The following CCDC7 variants were observed in gnomAD, a reference collection of about 807,000 sequenced individuals.
CCDC7 encodes the protein coiled-coil domain containing 7.
CCDC7 carries 183 observed loss-of-function variants against 196.9 expected under a neutral mutation model. That is an observed-to-expected ratio of 0.93 (90% confidence interval 0.82 to 1.05). The LOEUF (loss-of-function observed/expected upper bound fraction) is 1.05, where lower values mean the gene tolerates loss of function less well. Among genes scored for constraint, CCDC7 ranks in the 50% least tolerant of loss-of-function variants. The probability of loss-of-function intolerance (pLI) is 0.00; values close to 1 mark genes in which losing one functional copy is unlikely to be tolerated. For missense variants in CCDC7, 1,540 were observed against 1,482.2 expected, an observed-to-expected ratio of 1.04 and a Z score of -0.64; for synonymous variants, 525 against 484.6, an observed-to-expected ratio of 1.08 and a Z score of -1.10.
intron 24 of CCDC7, among the ~76,000 whole-genome samples, chr10:32,697,554 A>G (rs7358117): frequency 0.019 from 2,851 of 152,292 alleles, 95 homozygotes; most frequent in African/African-American, 0.065. Flanking sequence ...TCCCACACCC[A>G]TGGAGCCTTG....
At chr10:32,774,497 A>G (rs1370085612) in intron 28 of CCDC7, among the ~76,000 whole-genome samples, 1 of 152,126 alleles carries the variant, frequency 6.6e-6, no homozygotes, top group African/African-American at 2.4e-5. Flanking sequence ...TGCTTGCAGG[A>G]GGGGGTGACA....
At chr10:32,877,338 C>T (rs535825563), downstream of CCDC7, among the ~76,000 whole-genome samples, 3 of 152,142 alleles carry the variant, frequency 2.0e-5, no homozygotes, top group African/African-American at 4.8e-5. Flanking sequence ...CCAAAGGTAA[C>T]ATAAATGTGA....
intron 11 of CCDC7, among the ~76,000 whole-genome samples, chr10:32,521,446 T>G (rs2047870578): frequency 6.6e-6 from 1 of 152,154 alleles, no homozygotes. Flanking sequence ...GGTGTTTAAT[T>G]TGTGGCTATT....
intron 28 of CCDC7, among the ~76,000 whole-genome samples, chr10:32,760,512 G>A (rs1005164150): frequency 4.6e-5 from 7 of 151,942 alleles, no homozygotes; most frequent in South Asian, 2.1e-4. Context: ...ACCAAACACC[G>A]CATATTCTCA....
chr10:32,638,396 A>G (rs1241096896), intron 20 of CCDC7, among the ~76,000 whole-genome samples: 1 of 152,150 alleles, frequency 6.6e-6, no homozygotes, highest in Admixed American at 6.5e-5. Flanking sequence ...TTATTTTGAG[A>G]TACGTCCCAT....
At chr10:32,678,169 CTTGT>C (rs1352569730) in intron 21 of CCDC7, among the ~76,000 whole-genome samples, 1 of 151,902 alleles carries the variant, frequency 6.6e-6, no homozygotes, top group Admixed American at 6.6e-5. Context: ...GTTCACTGAG[CTTGT>C]TTAAGGCCAT....
chr10:32,504,064 A>C (rs984850317), intron 9 of CCDC7, among the ~76,000 whole-genome samples: 5 of 144,926 alleles, frequency 3.5e-5, no homozygotes, highest in Non-Finnish European at 7.6e-5. Flanking sequence ...GAAAACTTTT[A>C]GTTTTGTTAA....
chr10:32,823,617 C>G (rs2090623984), intron 31 of CCDC7, among the ~76,000 whole-genome samples: 1 of 152,214 alleles, frequency 6.6e-6, no homozygotes, highest in African/African-American at 2.4e-5. Context: ...AGGTGTCCAA[C>G]TACCATTACA....
intron 31 of CCDC7, 81 bp downstream of exon 32, chr10:32,814,534 G>C: frequency 1.0e-6 from 1 of 961,862 alleles, no homozygotes; most frequent in East Asian, 2.4e-5. Flanking sequence ...CATCTTTAAG[G>C]AGAACAGTGC....
At chr10:32,535,955 T>C (rs1348587117) in intron 11 of CCDC7, among the ~76,000 whole-genome samples, 1 of 152,168 alleles carries the variant, frequency 6.6e-6, no homozygotes, top group Non-Finnish European at 1.5e-5. Flanking sequence ...AGCAATGTTA[T>C]ATAGGGTTAA....
At chr10:32,716,615 G>A (rs1311106799) in intron 25 of CCDC7, among the ~76,000 whole-genome samples, 1 of 152,210 alleles carries the variant, frequency 6.6e-6, no homozygotes, top group African/African-American at 2.4e-5. Context: ...ATTGGATAAA[G>A]AGTGAATACC....
In CCDC7 at chr10:32,825,653, T is replaced by C. The variant is rs532576691; in HGVS notation, c.3268+1049T>C. On this transcript the variant is annotated intron_variant, in intron 32 of 41. Coordinates refer to ENST00000639629, the Ensembl canonical transcript of CCDC7. ...AATATTAAGGATGGAGTTCTTTTGTTGGTTTTGGGGTTTCTGGAGTTGGCT... is the reference window on the plus strand; with the variant it reads ...AATATTAAGGATGGAGTTCTTTTGTCGGTTTTGGGGTTTCTGGAGTTGGCT... Among the ~76,000 whole-genome samples, 6 of 152,272 alleles carry C rather than the reference T, an allele frequency of 3.9e-5. No homozygotes were observed. The East Asian group carries it at 1.2e-3, about 29-fold the overall frequency.
intron 41 of CCDC7, among the ~76,000 whole-genome samples, chr10:32,870,075 C>T (rs9702065): frequency 7.5e-4 from 114 of 151,902 alleles, no homozygotes; most frequent in East Asian, 2.3e-3. Flanking sequence ...CTTGGCAATG[C>T]GGGCTCTTTT....
At chr10:32,509,599 T>C (rs2045787992) in intron 9 of CCDC7, among the ~76,000 whole-genome samples, 1 of 147,260 alleles carries the variant, frequency 6.8e-6, no homozygotes, top group Non-Finnish European at 1.5e-5. Flanking sequence ...AAAAAGGAAA[T>C]AATAAAATGA....
In CCDC7 at chr10:32,755,318, C is replaced by T. The variant is rs527334614; in HGVS notation, c.2906-23659C>T. ...GATCTGAGAATGGAGAAACTGCATC[C>T]TCAAGTGGGTCCCTGATACTCAAGT... is the stretch of plus-strand genomic sequence containing the variant. On this transcript the variant is annotated intron_variant, in intron 28 of 41. Coordinates refer to ENST00000639629, the Ensembl canonical transcript of CCDC7. Among the ~76,000 whole-genome samples the T allele has an allele frequency of 1.2e-4, 18 of 152,328 alleles. No individual in the cohort carries two copies. The South Asian group carries it at 3.1e-3, about 26-fold the overall frequency.
intron 33 of CCDC7, among the ~76,000 whole-genome samples, chr10:32,840,389 C>T (rs939625247): frequency 6.6e-6 from 1 of 151,922 alleles, no homozygotes; most frequent in Admixed American, 6.6e-5. Flanking sequence ...CCCATATAAA[C>T]TAGAAAACCT....
In CCDC7 at chr10:32,511,261, C is replaced by CGGA. The variant is rs1554812866; in HGVS notation, c.873-6682_873-6681insAGG. The CGGA allele has an allele frequency of 1.6e-5, 6 of 383,214 alleles. No homozygotes were observed. In the African/African-American group the frequency reaches 2.0e-4, roughly 13 times the overall value. The allele number at this position is 383,214 out of a possible 1,614,324, so 23.7% of individuals were successfully genotyped here. On this transcript the variant is annotated intron_variant, in intron 9 of 41. Transcript: ENST00000639629. Reference sequence around the variant, plus strand: ...TGCCACAGAATTATTCTGTGGGGGGCGGGGGGGGCGGGGAAATGTACTTTT... The same window carrying CGGA: ...TGCCACAGAATTATTCTGTGGGGGGCGGAGGGGGGGGCGGGGAAATGTACTTTT...
chr10:32,661,423 C>T (rs1468670623), intron 20 of CCDC7, among the ~76,000 whole-genome samples: 1 of 152,030 alleles, frequency 6.6e-6, no homozygotes, highest in Non-Finnish European at 1.5e-5. Context: ...GCAATTTTTC[C>T]TCTGTTTTTC....
chr10:32,531,668 A>C (rs1404118594), intron 11 of CCDC7, among the ~76,000 whole-genome samples: 1 of 152,182 alleles, frequency 6.6e-6, no homozygotes, highest in African/African-American at 2.4e-5. Flanking sequence ...CCAGCAGTGA[A>C]ACCATCAGGT....
Sources: gnomAD v4.1 joint callset for allele counts (sites outside exome capture counted in the v4.1 genomes callset) on GRCh38, gnomAD v4.1.1 for gene constraint, MANE v1.5 for transcripts, NCBI Gene and HGNC (gene_info 2026-07-23, HGNC 2026-07-21) for gene names.